TMEM138: variants seen among roughly 807,000 people sequenced by gnomAD.
TMEM138 encodes transmembrane protein 138.
Under a neutral mutation model 18.1 loss-of-function variants are expected in TMEM138, and 9 were observed. That is an observed-to-expected ratio of 0.50 (90% CI 0.30 to 0.87). TMEM138 has a LOEUF of 0.87. Ranked by LOEUF, TMEM138 falls within the 40% of genes least tolerant of loss-of-function variation. The pLI, the probability that TMEM138 is intolerant of heterozygous loss-of-function variation, is 0.06. For synonymous variants in TMEM138, 79 were observed against 74.8 expected, an observed-to-expected ratio of 1.06 and a Z score of -0.29; for missense variants, 189 against 190.6, an observed-to-expected ratio of 0.99 and a Z score of 0.05.
At position 61,366,350 on chromosome 11, in the gene TMEM138, A is replaced by G. The variant is rs577670014; in HGVS notation, c.300+134A>G. 82 of 1,030,620 alleles carry G rather than the reference A, an allele frequency of 8.0e-5. 1 individual carries two copies. In the South Asian group the frequency reaches 1.4e-3, roughly 18 times the overall value. The allele number at this position is 1,030,620 out of a possible 1,614,324, so 63.8% of individuals were successfully genotyped here. On this transcript the variant is annotated intron_variant, in intron 3 of 4. Coordinates refer to ENST00000278826, the MANE Select transcript of TMEM138 (RefSeq NM_016464.5). ...TGCTTCTGCCTCCCAAGCTCAAGCA[A>G]TTCTCCTGCTTCTGCCTCCCAAAGT...
intron 1 of TMEM138, chr11:61,363,395 T>A (rs2135149582): frequency 6.6e-6 from 1 of 152,288 alleles, no homozygotes; most frequent in Admixed American, 6.5e-5. Context: ...GGTTGTAGGA[T>A]TACGTAAGGT....
downstream of TMEM138, among the ~76,000 whole-genome samples, chr11:61,376,066 C>T (rs57081935): frequency 1.4e-4 from 22 of 152,120 alleles, no homozygotes; most frequent in Admixed American, 3.9e-4. Context: ...AATAATTATT[C>T]GGCCAGATGC....
chr11:61,372,823 C>T (rs1189366728), downstream of TMEM138, among the ~76,000 whole-genome samples: 2 of 150,700 alleles, frequency 1.3e-5, no homozygotes, highest in Non-Finnish European at 3.0e-5. Context: ...TCAGGACAAA[C>T]CAGCAAGTCC....
At chr11:61,374,387 G>A (rs1415271460), downstream of TMEM138, among the ~76,000 whole-genome samples, 1 of 151,934 alleles carries the variant, frequency 6.6e-6, no homozygotes, top group African/African-American at 2.4e-5. Flanking sequence ...CTGAGCTTGG[G>A]TGATCCACCT....
In TMEM138 at chr11:61,369,228, T is replaced by G; in HGVS notation, c.*519T>G. The G allele has an allele frequency of 6.5e-6, 1 of 154,938 alleles. No individual in the cohort carries two copies. Among genetic ancestry groups the G allele is most frequent in the East Asian group, 1.9e-4 (1 of 5,328 alleles). 9.6% of individuals were successfully genotyped at this position (154,938 alleles called of 1,614,324 possible). A position where few individuals can be genotyped will look rare whatever the true frequency, so the allele number is the denominator to read the frequency against. The stretch of plus-strand genomic sequence containing the variant: ...TTCCATAAATGGGGGAGTCTGTCTG[T>G]CTAGCTAGATCTCTTCATGTTAAGA... On this transcript the variant is annotated 3_prime_UTR_variant, in exon 5 of 5. Coordinates refer to ENST00000278826, the MANE Select transcript of TMEM138 (RefSeq NM_016464.5).
chr11:61,371,120 C>T (rs558128311), downstream of TMEM138, among the ~76,000 whole-genome samples: 7 of 152,282 alleles, frequency 4.6e-5, no homozygotes, highest in East Asian at 1.9e-4. Flanking sequence ...CTACAACTTC[C>T]GCCTCCTGGG....
chr11:61,372,678 C>G (rs1030329091), downstream of TMEM138, among the ~76,000 whole-genome samples: 1 of 151,634 alleles, frequency 6.6e-6, no homozygotes, highest in African/African-American at 2.4e-5. Context: ...CCCAGCTACT[C>G]GGGAGGCTGA....
In TMEM138 at chr11:61,364,146, A is replaced by G. The variant is rs57733720; in HGVS notation, c.-139-106A>G. The G allele has an allele frequency of 0.013, 4,771 of 368,956 alleles. 231 individuals carry two copies. The highest frequency in any genetic ancestry group is 0.091 in the African/African-American group (4,421 of 48,488). 22.9% of individuals were successfully genotyped at this position (368,956 alleles called of 1,614,324 possible). On this transcript the variant is annotated intron_variant, in intron 1 of 4. Transcript: ENST00000278826. ...GTTTTTGTTGTTGGTTTTGTTCACTAAAGTATCCCATGCAACTGGAGTGGT... is the reference window on the plus strand; with the variant it reads ...GTTTTTGTTGTTGGTTTTGTTCACTGAAGTATCCCATGCAACTGGAGTGGT...
At chr11:61,370,319 G>A (rs1858305504), downstream of TMEM138, among the ~76,000 whole-genome samples, 1 of 152,138 alleles carries the variant, frequency 6.6e-6, no homozygotes, top group Non-Finnish European at 1.5e-5. Context: ...ACACAATGTT[G>A]GTTTGATATT....
At chr11:61,376,381 A>C (rs1858435769), downstream of TMEM138, among the ~76,000 whole-genome samples, 1 of 152,192 alleles carries the variant, frequency 6.6e-6, no homozygotes, top group African/African-American at 2.4e-5. Context: ...TGGAAAGAGA[A>C]AAATTGTTTC....
rs755276323 is a variant in TMEM138 at position 61,366,285 on chromosome 11, C to G, written c.300+69C>G. ...ATAGAGGTGGGGTCTTACTTTGTTA[C>G]CAAGGCTGGTCTCAAACTCCTGAGC... On this transcript the variant is annotated intron_variant, in intron 3 of 4. Coordinates refer to ENST00000278826, the MANE Select transcript of TMEM138 (RefSeq NM_016464.5). 86 of 1,521,602 alleles carry G rather than the reference C, an allele frequency of 5.7e-5. 1 individual carries two copies. Among genetic ancestry groups the G allele is most frequent in the Non-Finnish European group, 7.1e-5 (81 of 1,132,878 alleles). The allele number at this position is 1,521,602 out of a possible 1,614,324, so 94.3% of individuals were successfully genotyped here.
chr11:61,371,090 A>C (rs557864135), downstream of TMEM138, among the ~76,000 whole-genome samples: 7 of 152,292 alleles, frequency 4.6e-5, no homozygotes, highest in South Asian at 1.4e-3. Context: ...GCTGGTGTGC[A>C]GTGGTGCGAT....
At position 61,364,364 on chromosome 11, in the gene TMEM138, T is replaced by C. The variant is rs767900942; in HGVS notation, c.-27T>C. ...TTTCTGGGAACTGTGGGATGTGCCC[T>C]TGGGGGCCCGAGAAAACAGAAGGAA... On this transcript the variant is annotated 5_prime_UTR_variant, in exon 2 of 5. Transcript: ENST00000278826. 4 of 1,612,926 alleles carry C rather than the reference T, an allele frequency of 2.5e-6. No individual in the cohort carries two copies. The highest frequency in any genetic ancestry group is 2.2e-5 in the East Asian group (1 of 44,840).
At chr11:61,366,957 T>G in intron 3 of TMEM138, 1 of 152,194 alleles carries the variant, frequency 6.6e-6, no homozygotes, top group East Asian at 1.9e-4. Flanking sequence ...TTCCAGAACA[T>G]TCAATTCACC....
intron 2 of TMEM138, 59 bp from the exon 3 acceptor site, chr11:61,365,986 A>G (rs1390406312): frequency 1.9e-5 from 29 of 1,560,334 alleles, no homozygotes; most frequent in Non-Finnish European, 2.3e-5. Flanking sequence ...AGGACATAGT[A>G]CCTGCTCTTG....
At chr11:61,363,296 A>G (rs1336083917) in intron 1 of TMEM138, 1 of 152,194 alleles carries the variant, frequency 6.6e-6, no homozygotes, top group Non-Finnish European at 1.5e-5. Flanking sequence ...GTGGGACTTC[A>G]CCAGCTGAGG....
intron 2 of TMEM138, among the ~76,000 whole-genome samples, chr11:61,365,095 G>A (rs972050187): frequency 6.6e-6 from 1 of 150,672 alleles, no homozygotes; most frequent in African/African-American, 2.4e-5. Context: ...GGCTGAGGCA[G>A]GAGAATCACT....
Position 61,368,967 on chromosome 11 carries a change from C to T in TMEM138, c.*258C>T, listed in dbSNP as rs1202397935. The T allele has an allele frequency of 2.3e-6, 1 of 432,748 alleles. No homozygotes were observed. Among genetic ancestry groups the T allele is most frequent in the Non-Finnish European group, 4.3e-6 (1 of 234,978 alleles). 26.8% of individuals were successfully genotyped at this position (432,748 alleles called of 1,614,324 possible). A position where few individuals can be genotyped will look rare whatever the true frequency, so the allele number is the denominator to read the frequency against. On this transcript the variant is annotated 3_prime_UTR_variant, in exon 5 of 5. Transcript: ENST00000278826. ...TCCTTCCTTTCCTCTCTGTACCATT[C>T]ATTCTCCCTGACCGGCCTTTCTTGC...
chr11:61,371,012 GC>G (rs1241082336), downstream of TMEM138, among the ~76,000 whole-genome samples: 1 of 151,984 alleles, frequency 6.6e-6, no homozygotes, highest in African/African-American at 2.4e-5. Context: ...ACGCAACACC[GC>G]CCCCCTCTCC....
Sources: gnomAD v4.1 joint callset for allele counts (sites outside exome capture counted in the v4.1 genomes callset) on GRCh38, gnomAD v4.1.1 for gene constraint, MANE v1.5 for transcripts, NCBI Gene and HGNC (gene_info 2026-07-23, HGNC 2026-07-21) for gene names.